The following ADPRM variants were observed in gnomAD, a reference collection of about 807,000 sequenced individuals.
ADPRM encodes the protein ADP-ribose/CDP-alcohol diphosphatase, manganese dependent, also known as manganese-dependent ADP-ribose/CDP-alcohol diphosphatase.
ADPRM carries 17 observed loss-of-function variants against 27.2 expected under a neutral mutation model. That is an observed-to-expected ratio of 0.63 (90% CI 0.43 to 0.94). ADPRM has a LOEUF of 0.94. Ranked by LOEUF, ADPRM falls within the 40% of genes least tolerant of loss-of-function variation. ADPRM has a pLI of 0.00. For missense variants in ADPRM, 337 were observed against 412.8 expected, an observed-to-expected ratio of 0.82 and a Z score of 1.59; for synonymous variants, 135 against 145.3, an observed-to-expected ratio of 0.93 and a Z score of 0.51.
intron 1 of ADPRM, among the ~76,000 whole-genome samples, chr17:10,701,318 A>T (rs1263193314): frequency 6.6e-6 from 1 of 151,656 alleles, no homozygotes; most frequent in East Asian, 1.9e-4. Context: ...TTTCTTTTTT[A>T]AAAAAACTTT....
chr17:10,708,669 T>A (rs1437072772), intron 3 of ADPRM, among the ~76,000 whole-genome samples: 2 of 152,194 alleles, frequency 1.3e-5, no homozygotes, highest in Non-Finnish European at 2.9e-5. Flanking sequence ...TTTGGCTCTA[T>A]AATAAGTGGT....
At chr17:10,707,368 T>A (rs1036987309) in intron 3 of ADPRM, among the ~76,000 whole-genome samples, 6 of 152,092 alleles carry the variant, frequency 3.9e-5, no homozygotes, top group Admixed American at 6.5e-5. Context: ...AGCAAGACCC[T>A]ATCTCAAAAA....
Position 10,706,611 on chromosome 17 carries a change from C to T in ADPRM, c.718+57C>T, listed in dbSNP as rs77751564. 1.6e-3 allele frequency: 1,938 copies of T among 1,232,740 alleles called. 23 individuals carry two copies. In the African/African-American group the frequency reaches 0.027, roughly 17 times the overall value. The allele number at this position is 1,232,740 out of a possible 1,614,324, so 76.4% of individuals were successfully genotyped here. ...ATTTTAGAGATTGGGAAAAGTTAGG[C>T]GTTAAAGCATACTAACAATATTTGT... On this transcript the variant is annotated intron_variant, in intron 3 of 3. Transcript: ENST00000379774.
chr17:10,705,236 G>A lies in ADPRM; in HGVS notation c.310G>A (p.Val104Ile), dbSNP rs1320834801. ...MDMFKRLKVP[V>I]HHTWGNHEFY... ...CATGTTCAAGAGGCTTAAAGTTCCA[G>A]TTCATCATACATGGGGAAACCATGA... Residue 104 changes from valine (V) to isoleucine (I), a missense_variant, in exon 2 of 4, where the codon GTT becomes ATT. Val to Ile is a conservative substitution (Grantham distance 29, BLOSUM62 3). Coordinates refer to ENST00000379774, the MANE Select transcript of ADPRM (RefSeq NM_020233.5). This position sits in a 1 kb window ranked among gnomAD's most constrained non-coding sequence, Gnocchi z 5.4. 6.2e-7 allele frequency: 1 copy of A among 1,614,088 alleles called. No homozygotes were observed. Among genetic ancestry groups the A allele is most frequent in the South Asian group, 1.1e-5 (1 of 91,070 alleles).
intron 3 of ADPRM, 137 bp downstream of exon 3, chr17:10,706,691 G>T: frequency 2.0e-6 from 1 of 511,186 alleles, no homozygotes; most frequent in Non-Finnish European, 3.3e-6. Flanking sequence ...TTTCTATTGA[G>T]AAACCACCTG....
chr17:10,701,376 G>A (rs1025563337), intron 1 of ADPRM, among the ~76,000 whole-genome samples: 3 of 151,686 alleles, frequency 2.0e-5, no homozygotes, highest in Non-Finnish European at 2.9e-5. Context: ...TGTTGCCCAG[G>A]CTGGAGTGCA....
intron 1 of ADPRM, 120 bp from the exon 2 acceptor site, chr17:10,704,790 T>A: frequency 1.2e-6 from 1 of 842,032 alleles, no homozygotes; most frequent in Non-Finnish European, 1.8e-6. Context: ...GCCCACGTAC[T>A]TTTTCCTGTA....
In ADPRM at chr17:10,705,041, G is replaced by A. The variant is rs779101506; in HGVS notation, c.115G>A (p.Gly39Arg). 1.2e-6 allele frequency: 2 copies of A among 1,614,148 alleles called. No individual in the cohort carries two copies. Among genetic ancestry groups the A allele is most frequent in the Non-Finnish European group, 1.7e-6 (2 of 1,180,026 alleles). The change falls in exon 2 of 4, where the codon GGA becomes AGA. Residue 39 changes from glycine (G) to arginine (R), a missense_variant. Gly to Arg is a moderately radical substitution (Grantham distance 125, BLOSUM62 -2). Transcript: ENST00000379774. This position sits in a 1 kb window ranked among gnomAD's most constrained non-coding sequence, Gnocchi z 5.4. The stretch of plus-strand genomic sequence containing the variant: ...CTTAGAAGATGGCTTTAATTTCCAA[G>A]GAACCAGGCGGCGATACTACAGACA... ...ADLEDGFNFQ[G>R]TRRRYYRHSL... is the part of the protein sequence containing the mutation.
chr17:10,709,230 T>C (rs2074834537), intron 3 of ADPRM, among the ~76,000 whole-genome samples: 1 of 152,014 alleles, frequency 6.6e-6, no homozygotes, highest in African/African-American at 2.4e-5. Context: ...AGGGTAGGGC[T>C]TCAGGTTTGG....
At position 10,702,568 on chromosome 17, in the gene ADPRM, G is replaced by A. The variant is rs1354942221; in HGVS notation, c.-17-2342G>A. On this transcript the variant is annotated intron_variant, in intron 1 of 3. Transcript: ENST00000379774. This position sits in a 1 kb window ranked among gnomAD's most constrained non-coding sequence, Gnocchi z 4.2. ...TGTTTCTTTCTATGTTGGATTTCTTGTCAGTTCATTTTCTCCAAAAATTGA... is the reference window on the plus strand; with the variant it reads ...TGTTTCTTTCTATGTTGGATTTCTTATCAGTTCATTTTCTCCAAAAATTGA... Among the ~76,000 whole-genome samples, 1 of 152,136 alleles carries A rather than the reference G, an allele frequency of 6.6e-6. No homozygotes were observed. Among genetic ancestry groups the A allele is most frequent in the Admixed American group, 6.5e-5 (1 of 15,272 alleles).
At chr17:10,703,540 C>T (rs1209557664) in intron 1 of ADPRM, among the ~76,000 whole-genome samples, 2 of 124,296 alleles carry the variant, frequency 1.6e-5, no homozygotes, top group East Asian at 2.6e-4. Context: ...TGAAAAGAGG[C>T]CCCTAATTCT....
Position 10,698,572 on chromosome 17 carries a change from C to CT in ADPRM, c.-18+906dup, listed in dbSNP as rs1228826601. Among the ~76,000 whole-genome samples, 3 of 152,328 alleles carry CT rather than the reference C, an allele frequency of 2.0e-5. No individual in the cohort carries two copies. The East Asian group carries it at 5.8e-4, about 29-fold the overall frequency. On this transcript the variant is annotated intron_variant, in intron 1 of 3. Transcript: ENST00000379774. ...TTTTTTTTCCCCCATGGGACCGACT[C>CT]TGAGTAGGAGAAACTCGTGCTCTGA...
chr17:10,703,632 T>C (rs2074794130), intron 1 of ADPRM, among the ~76,000 whole-genome samples: 1 of 152,214 alleles, frequency 6.6e-6, no homozygotes, highest in Admixed American at 6.5e-5. Flanking sequence ...CTCTTAGAGT[T>C]GGGATTTTAC....
chr17:10,699,790 C>G (rs1027652851), intron 1 of ADPRM, among the ~76,000 whole-genome samples: 1 of 152,140 alleles, frequency 6.6e-6, no homozygotes, highest in Non-Finnish European at 1.5e-5. Context: ...CCTCGGCCTC[C>G]CAAAGTGCTA....
At chr17:10,708,820 T>G (rs964099282) in intron 3 of ADPRM, among the ~76,000 whole-genome samples, 24 of 152,230 alleles carry the variant, frequency 1.6e-4, no homozygotes, top group African/African-American at 5.8e-4. Context: ...CCAAAGAGAC[T>G]GAATTGCATA....
chr17:10,704,486 CAA>C (rs201571510), intron 1 of ADPRM, among the ~76,000 whole-genome samples: 107 of 76,720 alleles, frequency 1.4e-3, no homozygotes, highest in African/African-American at 3.4e-3. Flanking sequence ...CACAGCTTTC[CAA>C]AAAAAAAAAA....
At chr17:10,701,511 A>G (rs1374313079) in intron 1 of ADPRM, among the ~76,000 whole-genome samples, 4 of 151,578 alleles carry the variant, frequency 2.6e-5, no homozygotes, top group Admixed American at 2.6e-4. Context: ...TTGTATTTTT[A>G]GTAGAGATGG....
rs189258199 is a variant in ADPRM at position 10,707,616 on chromosome 17, T to C, written c.718+1062T>C. Among the ~76,000 whole-genome samples, 222 of 152,260 alleles carry C rather than the reference T, an allele frequency of 1.5e-3. 1 individual carries two copies. Among genetic ancestry groups the C allele is most frequent in the African/African-American group, 5.0e-3 (209 of 41,538 alleles). On this transcript the variant is annotated intron_variant, in intron 3 of 3. Transcript: ENST00000379774. ...AGTGAGAAATTCAGTTAGGGGACCA[T>C]ACCAAATCTCAGCCTTAGAGACCTG...
At chr17:10,698,870 T>C (rs1390151912) in intron 1 of ADPRM, 1 of 152,236 alleles carries the variant, frequency 6.6e-6, no homozygotes, top group Non-Finnish European at 1.5e-5. Flanking sequence ...TGCCCAGGGA[T>C]AATTTTTTCT....
Sources: allele counts gnomAD v4.1 joint callset (sites outside exome capture counted in the v4.1 genomes callset), GRCh38; gene constraint gnomAD v4.1.1; non-coding constraint Gnocchi (gnomAD v3.1); transcripts MANE v1.5; gene names NCBI Gene and HGNC (gene_info 2026-07-23, HGNC 2026-07-21).